DLC1: variants seen among roughly 807,000 people sequenced by gnomAD.
DLC1 encodes rho GTPase-activating protein 7.
DLC1 carries 54 observed loss-of-function variants against 140.3 expected under a neutral mutation model. The observed-to-expected ratio is 0.38, with a 90% confidence interval of 0.31 to 0.48. The LOEUF is 0.48. Among genes scored for constraint, DLC1 ranks in the 20% least tolerant of loss-of-function variants. DLC1 has a pLI of 0.96. For missense variants in DLC1, 2,536 were observed against 1,907.0 expected (o/e 1.33, Z -6.14); for synonymous variants, 986 against 728.1 (o/e 1.35, Z -5.70).
At chr8:13,388,952 C>G (rs545171628) in intron 4 of DLC1, among the ~76,000 whole-genome samples, 2 of 151,914 alleles carry the variant, frequency 1.3e-5, no homozygotes, top group Non-Finnish European at 2.9e-5. Flanking sequence ...AATAACAGCT[C>G]AAGCCAATTT....
intron 1 of DLC1, chr8:13,566,851 T>C: frequency 3.5e-6 from 4 of 1,143,218 alleles, no homozygotes; most frequent in Non-Finnish European, 4.7e-6. Flanking sequence ...CCAAGACAGC[T>C]GGGAAGGCGT....
intron 2 of DLC1, among the ~76,000 whole-genome samples, chr8:13,496,652 G>A (rs971060911): frequency 7.3e-5 from 11 of 151,670 alleles, no homozygotes; most frequent in African/African-American, 2.7e-4. Context: ...ATATTGGTCT[G>A]CTACTGTTGT....
intron 5 of DLC1, among the ~76,000 whole-genome samples, chr8:13,124,718 G>C (rs1821408362): frequency 6.6e-6 from 1 of 152,208 alleles, no homozygotes; most frequent in Non-Finnish European, 1.5e-5. Context: ...GCGCTTGCCA[G>C]TGGCTTTGTA....
At chr8:13,407,610 T>G (rs1837623263) in intron 2 of DLC1, among the ~76,000 whole-genome samples, 1 of 152,210 alleles carries the variant, frequency 6.6e-6, no homozygotes, top group Non-Finnish European at 1.5e-5. Context: ...ACGATTGGTT[T>G]GGCATATATA....
intron 16 of DLC1, among the ~76,000 whole-genome samples, chr8:13,087,366 A>C (rs192264288): frequency 6.6e-6 from 1 of 152,316 alleles, no homozygotes; most frequent in East Asian, 1.9e-4. Context: ...GTGCCACTGC[A>C]CCCTAGCCTT....
At chr8:13,483,835 A>AT (rs34495664) in intron 2 of DLC1, among the ~76,000 whole-genome samples, 1 of 152,282 alleles carries the variant, frequency 6.6e-6, no homozygotes. Flanking sequence ...TAATCCCAGC[A>AT]TTTTGGGAGG....
chr8:13,187,346 A>T (rs1278304868), intron 5 of DLC1, among the ~76,000 whole-genome samples: 1 of 152,162 alleles, frequency 6.6e-6, no homozygotes, highest in Non-Finnish European at 1.5e-5. Context: ...CTCAATAGAT[A>T]TTTGTTGAAT....
At chr8:13,137,344 T>G (rs1822646409) in intron 5 of DLC1, among the ~76,000 whole-genome samples, 1 of 152,180 alleles carries the variant, frequency 6.6e-6, no homozygotes, top group Non-Finnish European at 1.5e-5. Context: ...TCAGTGAGAT[T>G]TTGGTTTGAG....
intron 5 of DLC1, among the ~76,000 whole-genome samples, chr8:13,138,915 C>A (rs1179739928): frequency 1.3e-5 from 2 of 152,130 alleles, no homozygotes; most frequent in Admixed American, 6.5e-5. Context: ...TCACTCAGAC[C>A]TTCTATTGAT....
At chr8:13,341,048 C>T (rs578218354) in intron 4 of DLC1, 32 of 152,030 alleles carry the variant, frequency 2.1e-4, no homozygotes, top group African/African-American at 5.1e-4. Flanking sequence ...TGGGGAGAAA[C>T]GTGTGTTCAG....
At chr8:13,348,035 G>T (rs1032059298) in intron 4 of DLC1, among the ~76,000 whole-genome samples, 4 of 152,146 alleles carry the variant, frequency 2.6e-5, no homozygotes, top group African/African-American at 9.7e-5. Context: ...CTTGCAGTCA[G>T]CCGAGATCAC....
chr8:13,311,487 G>A (rs959755493), intron 4 of DLC1, among the ~76,000 whole-genome samples: 1 of 152,126 alleles, frequency 6.6e-6, no homozygotes, highest in Admixed American at 6.5e-5. Flanking sequence ...TAACTAAAGT[G>A]AAATATTAAT....
intron 4 of DLC1, among the ~76,000 whole-genome samples, chr8:13,370,636 G>C (rs1835686178): frequency 6.6e-6 from 1 of 152,206 alleles, no homozygotes; most frequent in Admixed American, 6.5e-5. Flanking sequence ...GCTGGCTTCA[G>C]GTGTGGCTGA....
intron 4 of DLC1, among the ~76,000 whole-genome samples, chr8:13,382,332 C>T (rs1490119687): frequency 1.3e-5 from 2 of 151,046 alleles, no homozygotes; most frequent in African/African-American, 2.4e-5. Context: ...ACGTTGAAAC[C>T]CCGTCTCTAC....
intron 5 of DLC1, among the ~76,000 whole-genome samples, chr8:13,153,938 A>C (rs1405638265): frequency 6.6e-6 from 1 of 152,050 alleles, no homozygotes; most frequent in East Asian, 1.9e-4. Flanking sequence ...AAGAGCACTG[A>C]TTGGTGTGTT....
rs1341912411 is a variant in DLC1 at position 13,500,054 on chromosome 8, T to C, written c.18A>G (p.Arg6=). The change falls in exon 2 of 18, where the codon AGA becomes AGG. Residue 6 remains arginine (R), a synonymous_variant. Transcript: ENST00000276297. The part of the protein sequence containing the change: MSVAI[R]KRSWEEHVTH... The stretch of plus-strand genomic sequence containing the variant: ...TCACATGTTCTTCCCAGCTTCTCTT[T>C]CTGATAGCTACAGACATGTCATCGT... 1 of 1,613,808 alleles carries C rather than the reference T, an allele frequency of 6.2e-7. No homozygotes were observed. Among genetic ancestry groups the C allele is most frequent in the South Asian group, 1.1e-5 (1 of 91,074 alleles).
At chr8:13,458,275 A>T (rs951960644) in intron 2 of DLC1, among the ~76,000 whole-genome samples, 2 of 152,210 alleles carry the variant, frequency 1.3e-5, no homozygotes, top group African/African-American at 4.8e-5. Flanking sequence ...TTTTGGCAAG[A>T]TCCATAATTT....
chr8:13,212,791 A>G (rs978344774), intron 5 of DLC1, among the ~76,000 whole-genome samples: 1 of 152,154 alleles, frequency 6.6e-6, no homozygotes, highest in African/African-American at 2.4e-5. Flanking sequence ...CATTTTCAAT[A>G]TCACCATATA....
intron 4 of DLC1, among the ~76,000 whole-genome samples, chr8:13,387,521 A>G (rs1204388727): frequency 6.6e-6 from 1 of 151,984 alleles, no homozygotes; most frequent in Non-Finnish European, 1.5e-5. Flanking sequence ...ACCTCTCACT[A>G]ATATATCACA....
Sources: gnomAD v4.1 joint callset for allele counts (sites outside exome capture counted in the v4.1 genomes callset) on GRCh38, gnomAD v4.1.1 for gene constraint, MANE v1.5 for transcripts, NCBI Gene and HGNC (gene_info 2026-07-23, HGNC 2026-07-21) for gene names.